The following ECT2 variants were observed in gnomAD, a reference collection of about 807,000 sequenced individuals.
ECT2 encodes epithelial cell transforming 2.
ECT2 carries 61 observed loss-of-function variants against 116.9 expected under a neutral mutation model. The ratio of observed to expected loss-of-function variants is 0.52; its 90% CI spans 0.42 to 0.65. The LOEUF is 0.65. Ranked by LOEUF, ECT2 falls within the 30% of genes least tolerant of loss-of-function variation. The pLI, the probability that ECT2 is intolerant of heterozygous loss-of-function variation, is 0.00. For missense variants in ECT2, 937 were observed against 1,078.7 expected (o/e 0.87, Z 1.84); for synonymous variants, 358 against 346.4 (o/e 1.03, Z -0.37).
At chr3:172,780,929 A>G (rs1375325885) in intron 14 of ECT2, among the ~76,000 whole-genome samples, 1 of 152,186 alleles carries the variant, frequency 6.6e-6, no homozygotes, top group Non-Finnish European at 1.5e-5. Context: ...TGTAAATTCT[A>G]GATACAAGTT....
chr3:172,806,555 A>C (rs1304203466), intron 21 of ECT2, among the ~76,000 whole-genome samples: 1 of 144,548 alleles, frequency 6.9e-6, no homozygotes, highest in Non-Finnish European at 1.5e-5. Flanking sequence ...TCCATTACTG[A>C]TTCCTCTAAT....
At chr3:172,817,053 T>C (rs1215672826) in intron 24 of ECT2, among the ~76,000 whole-genome samples, 1 of 152,100 alleles carries the variant, frequency 6.6e-6, no homozygotes, top group Non-Finnish European at 1.5e-5. Context: ...GTCTTAAAAA[T>C]GTGGGGTGCA....
chr3:172,766,843 T>C (rs1328966459), intron 12 of ECT2, among the ~76,000 whole-genome samples: 1 of 152,164 alleles, frequency 6.6e-6, no homozygotes, highest in Non-Finnish European at 1.5e-5. Flanking sequence ...GACAATAGCA[T>C]GGGATGGTAA....
In ECT2 at chr3:172,820,198, A is replaced by G. The variant is rs1730512896; in HGVS notation, c.2706A>G (p.Arg902=). The change falls in exon 25 of 25, where the codon AGA becomes AGG. Residue 902 remains arginine (R), a synonymous_variant. Transcript: ENST00000392692. ...GCCTTCCTTCCTTCTTTGAAAGGAGAAGTCATACGTTAAGTAGATCTACAA... is the reference window on the plus strand; with the variant it reads ...GCCTTCCTTCCTTCTTTGAAAGGAGGAGTCATACGTTAAGTAGATCTACAA... ...LVSLPSFFER[R]SHTLSRSTTH... is the part of the protein sequence containing the mutation. 6.2e-7 allele frequency: 1 copy of G among 1,610,530 alleles called. No individual in the cohort carries two copies. Among genetic ancestry groups the G allele is most frequent in the Non-Finnish European group, 8.5e-7 (1 of 1,177,914 alleles).
downstream of ECT2, among the ~76,000 whole-genome samples, chr3:172,826,180 C>A (rs1200564713): frequency 6.6e-6 from 1 of 152,208 alleles, no homozygotes; most frequent in Non-Finnish European, 1.5e-5. Context: ...CAGGTGTGAG[C>A]CACCTCGCCC....
the ECT2 span, among the ~76,000 whole-genome samples, chr3:172,826,553 G>A: frequency 1.3e-5 from 2 of 152,200 alleles, no homozygotes; most frequent in Non-Finnish European, 2.9e-5. Context: ...TGATAATGCA[G>A]AGGCAGGATT....
intron 18 of ECT2, among the ~76,000 whole-genome samples, chr3:172,796,715 A>G (rs1252079129): frequency 1.3e-5 from 2 of 152,134 alleles, no homozygotes; most frequent in East Asian, 1.9e-4. Flanking sequence ...CGCCCAGGCT[A>G]TAGTGCATTG....
chr3:172,787,236 A>G (rs1043092238), intron 18 of ECT2, among the ~76,000 whole-genome samples: 1 of 152,194 alleles, frequency 6.6e-6, no homozygotes, highest in Non-Finnish European at 1.5e-5. Flanking sequence ...AGTATATTTA[A>G]TAGGTTTAAT....
At chr3:172,784,008 T>C (rs1398719285) in intron 16 of ECT2, 99 bp downstream of exon 16, 2 of 812,630 alleles carry the variant, frequency 2.5e-6, no homozygotes, top group African/African-American at 1.8e-5. Flanking sequence ...TTTAGTAAAA[T>C]GTATCCATTA....
chr3:172,789,929 T>C (rs1020979597), intron 18 of ECT2, among the ~76,000 whole-genome samples: 1 of 152,206 alleles, frequency 6.6e-6, no homozygotes, highest in Non-Finnish European at 1.5e-5. Flanking sequence ...CTCAAAGTCA[T>C]CCATAAGGAT....
chr3:172,763,195 A>G (rs758015208), intron 11 of ECT2, among the ~76,000 whole-genome samples: 24 of 152,236 alleles, frequency 1.6e-4, no homozygotes, highest in Non-Finnish European at 2.9e-4. Context: ...CTTGGTGATA[A>G]CATTACGAAC....
At chr3:172,777,690 G>C (rs149236700) in intron 14 of ECT2, among the ~76,000 whole-genome samples, 1 of 152,302 alleles carries the variant, frequency 6.6e-6, no homozygotes, top group Non-Finnish European at 1.5e-5. Context: ...CCTGAGCCCA[G>C]GAGTTTGAGA....
chr3:172,790,808 A>C (rs1724521799), intron 18 of ECT2, among the ~76,000 whole-genome samples: 1 of 152,210 alleles, frequency 6.6e-6, no homozygotes, highest in Non-Finnish European at 1.5e-5. Flanking sequence ...AATAAGCAGT[A>C]ATCTTTTGAA....
Position 172,793,931 on chromosome 3 carries a change from G to GA in ECT2, c.1907+7366dup, listed in dbSNP as rs201833401. 3.5e-3 allele frequency among the ~76,000 whole-genome samples: 519 copies of GA among 149,922 alleles called. 6 individuals carry two copies. Among genetic ancestry groups the GA allele is most frequent in the African/African-American group, 0.012 (481 of 40,884 alleles). On this transcript the variant is annotated intron_variant, in intron 18 of 24. Transcript: ENST00000392692. ...GCCTGTTCAAATCTTTTGTTTATTT[G>GA]AAAAAAAAATTGTGTTTTTTTTGTA...
At chr3:172,757,843 CAGTT>C (rs1369746746) in intron 5 of ECT2, among the ~76,000 whole-genome samples, 2 of 152,064 alleles carry the variant, frequency 1.3e-5, no homozygotes, top group Non-Finnish European at 2.9e-5. Context: ...CCATTTTTAT[CAGTT>C]ACTGTATAAC....
At chr3:172,772,332 A>G (rs1415901730) in intron 13 of ECT2, among the ~76,000 whole-genome samples, 1 of 152,202 alleles carries the variant, frequency 6.6e-6, no homozygotes, top group South Asian at 2.1e-4. Flanking sequence ...AGCTGGGACT[A>G]CAGGCACCCG....
chr3:172,787,359 T>G (rs1221670473), intron 18 of ECT2, among the ~76,000 whole-genome samples: 11 of 3,346 alleles, frequency 3.3e-3, no homozygotes. Context: ...CGGAGACCTC[T>G]CTCATTCTCT....
intron 12 of ECT2, among the ~76,000 whole-genome samples, chr3:172,765,406 A>C (rs1397051751): frequency 1.3e-5 from 2 of 152,140 alleles, no homozygotes; most frequent in East Asian, 3.8e-4. Context: ...TTTGAAAAGC[A>C]TTTGTATGCT....
downstream of ECT2, among the ~76,000 whole-genome samples, chr3:172,821,866 C>CA (rs1214252306): frequency 6.6e-6 from 1 of 151,640 alleles, no homozygotes; most frequent in Non-Finnish European, 1.5e-5. Context: ...TATACACTGG[C>CA]AAAATATAGC....
Sources: gnomAD v4.1 joint callset for allele counts (sites outside exome capture counted in the v4.1 genomes callset) on GRCh38, gnomAD v4.1.1 for gene constraint, MANE v1.5 for transcripts, NCBI Gene and HGNC (gene_info 2026-07-23, HGNC 2026-07-21) for gene names.